Variants in TSBP1 observed in about 807,000 individuals in gnomAD.
The protein encoded by TSBP1 is testis-expressed basic protein 1.
TSBP1 carries 56 observed loss-of-function variants against 68.8 expected under a neutral mutation model. That is an observed-to-expected ratio of 0.81 (90% CI 0.66 to 1.02). The LOEUF (loss-of-function observed/expected upper bound fraction) is 1.02, where lower values mean the gene tolerates loss of function less well. TSBP1 is among the 50% of genes least tolerant of loss of function. The pLI, the probability that TSBP1 is intolerant of heterozygous loss-of-function variation, is 0.00. For missense variants in TSBP1, 502 were observed against 641.2 expected, an observed-to-expected ratio of 0.78 and a Z score of 2.34; for synonymous variants, 171 against 208.7, an observed-to-expected ratio of 0.82 and a Z score of 1.56.
intron 18 of TSBP1, among the ~76,000 whole-genome samples, chr6:32,322,233 CATT>C (rs931007701): frequency 6.6e-6 from 1 of 152,190 alleles, no homozygotes; most frequent in African/African-American, 2.4e-5. Flanking sequence ...TAAATATCAT[CATT>C]GTTAGTGCTT....
intron 2 of TSBP1, among the ~76,000 whole-genome samples, chr6:32,369,285 A>AT (rs9279610): frequency 0.35 from 49,944 of 141,354 alleles, 9,466 homozygotes; most frequent in Middle Eastern, 0.56. Flanking sequence ...TCTCACTTCT[A>AT]TTTTTTTTTT....
At chr6:32,370,143 C>A (rs2127669040) in intron 1 of TSBP1, among the ~76,000 whole-genome samples, 160 bp from the exon 2 acceptor site, 1 of 151,960 alleles carries the variant, frequency 6.6e-6, no homozygotes, top group Non-Finnish European at 1.5e-5. Flanking sequence ...TATTACTGTC[C>A]TCACATTCCC....
In TSBP1 at chr6:32,308,773, C is replaced by T. The variant is rs573168094; in HGVS notation, c.581-6144G>A. 6.7e-3 allele frequency among the ~76,000 whole-genome samples: 1,016 copies of T among 151,750 alleles called. 18 individuals are homozygous for T. Among genetic ancestry groups the T allele is most frequent in the East Asian group, 0.02 (103 of 5,172 alleles). On this transcript the variant is annotated intron_variant, in intron 19 of 22. Coordinates refer to ENST00000612031, the Ensembl canonical transcript of TSBP1. ...GTCTTTTATTTTTGCCATAAATATT[C>T]AAATGTATATATTTAATAAGATGAA...
At chr6:32,308,373 C>T (rs57433605) in intron 19 of TSBP1, among the ~76,000 whole-genome samples, 2 of 151,048 alleles carry the variant, frequency 1.3e-5, no homozygotes, top group Non-Finnish European at 3.0e-5. Context: ...CCGAGGCGGG[C>T]GGATCACGAG....
rs1447380950 is a variant in TSBP1 at position 32,333,612 on chromosome 6, C to A, written c.473-1558G>T. ...ATGTGGACACCTGCATAGATCATGG[C>A]GAGTACTACTCCCACAGCAGAGGGA... On this transcript the variant is annotated intron_variant, in intron 14 of 22. Transcript: ENST00000612031. This position sits in a 1 kb window ranked among gnomAD's most constrained non-coding sequence, Gnocchi z 4.2. Among the ~76,000 whole-genome samples, 1 of 152,150 alleles carries A rather than the reference C, an allele frequency of 6.6e-6. No homozygotes were observed. Among genetic ancestry groups the A allele is most frequent in the Non-Finnish European group, 1.5e-5 (1 of 68,034 alleles).
intron 9 of TSBP1, among the ~76,000 whole-genome samples, chr6:32,342,748 T>C (rs1387844355): frequency 6.6e-6 from 1 of 152,226 alleles, no homozygotes; most frequent in Non-Finnish European, 1.5e-5. Context: ...ATAGTTCAGA[T>C]ACGAAGTGAG....
At chr6:32,341,377 C>T (rs2022532) in intron 9 of TSBP1, among the ~76,000 whole-genome samples, 3,448 of 152,114 alleles carry the variant, frequency 0.023, 105 homozygotes, top group East Asian at 0.078. Context: ...CTGTGGGGAT[C>T]GATCACAAAC....
intron 19 of TSBP1, among the ~76,000 whole-genome samples, chr6:32,311,781 G>C (rs1562081681): frequency 6.6e-6 from 1 of 152,138 alleles, no homozygotes. Flanking sequence ...CAGTGATTGG[G>C]GGTATCTGTG....
chr6:32,351,397 G>A (rs375568215), intron 8 of TSBP1, among the ~76,000 whole-genome samples: 123 of 152,168 alleles, frequency 8.1e-4, no homozygotes, highest in Middle Eastern at 6.8e-3. Flanking sequence ...AGGGCCATCC[G>A]CCAATCTGGA....
chr6:32,331,330 A>G (rs1194256704), intron 15 of TSBP1, among the ~76,000 whole-genome samples: 1 of 152,164 alleles, frequency 6.6e-6, no homozygotes, highest in Non-Finnish European at 1.5e-5. Context: ...TATTCTAATG[A>G]TTACTGACAA....
chr6:32,316,524 A>C lies in TSBP1; in HGVS notation c.560-732T>G. 1 of 809,084 alleles carries C rather than the reference A, an allele frequency of 1.2e-6. No homozygotes were observed. The highest frequency in any genetic ancestry group is 2.0e-6 in the Non-Finnish European group (1 of 494,708). 50.1% of individuals were successfully genotyped at this position (809,084 alleles called of 1,614,324 possible). On this transcript the variant is annotated intron_variant, in intron 18 of 22. Coordinates refer to ENST00000612031, the Ensembl canonical transcript of TSBP1. The surrounding 1 kb of genome is among the most constrained non-coding windows in gnomAD (Gnocchi z 4.5). ...TGGTAGTCACACAGCTCTGGATGAC[A>C]ATGGCTAATTCTCTGTTAAAAGCTC...
At chr6:32,349,955 A>G (rs1026384517) in intron 8 of TSBP1, 195 bp from the exon 9 acceptor site, 3 of 771,386 alleles carry the variant, frequency 3.9e-6, no homozygotes, top group Non-Finnish European at 7.2e-6. Flanking sequence ...CTTTTGTGGT[A>G]AGGTGGGACT....
chr6:32,327,601 G>A (rs918450863), intron 16 of TSBP1, among the ~76,000 whole-genome samples: 3 of 151,830 alleles, frequency 2.0e-5, no homozygotes, highest in African/African-American at 7.3e-5. Context: ...CACTTCTAGA[G>A]GTTCATAATG....
intron 18 of TSBP1, chr6:32,320,108 G>C (rs1767451124): frequency 4.4e-6 from 2 of 454,666 alleles, no homozygotes; most frequent in Non-Finnish European, 8.8e-6. Context: ...ATAACTTTTA[G>C]TAGTTTCTTA....
intron 14 of TSBP1, among the ~76,000 whole-genome samples, chr6:32,332,595 T>TG (rs377197354): frequency 4.7e-5 from 7 of 148,046 alleles, no homozygotes; most frequent in South Asian, 2.2e-4. Flanking sequence ...CAAAACCTTC[T>TG]GTTTTTTTTT....
Position 32,321,084 on chromosome 6 carries a change from A to G in TSBP1, c.559+2033T>C, listed in dbSNP as rs1205783214. Among the ~76,000 whole-genome samples the G allele has an allele frequency of 1.3e-5, 2 of 152,112 alleles. No homozygotes were observed. Among genetic ancestry groups the G allele is most frequent in the Non-Finnish European group, 2.9e-5 (2 of 68,020 alleles). The stretch of plus-strand genomic sequence containing the variant: ...TCACATTTTCTTTATTCAGTCTACC[A>G]TTGATGGGCATTTAGGTTGATTCCA... On this transcript the variant is annotated intron_variant, in intron 18 of 22. Coordinates refer to ENST00000612031, the Ensembl canonical transcript of TSBP1. The surrounding 1 kb of genome is among the most constrained non-coding windows in gnomAD (Gnocchi z 4.3).
At chr6:32,301,552 C>CA (rs9281725) in intron 20 of TSBP1, among the ~76,000 whole-genome samples, 29,675 of 140,696 alleles carry the variant, frequency 0.21, 3,086 homozygotes, top group Non-Finnish European at 0.22. Context: ...CCCATCTCTG[C>CA]AAAAAAAAAA....
intron 16 of TSBP1, among the ~76,000 whole-genome samples, chr6:32,329,303 G>A (rs1052059122): frequency 4.6e-5 from 7 of 152,168 alleles, no homozygotes; most frequent in African/African-American, 1.7e-4. Flanking sequence ...GTGGCTATTA[G>A]GGAACTGTGG....
Position 32,340,919 on chromosome 6 carries a change from C to T in TSBP1, c.350-1281G>A, listed in dbSNP as rs563799512. On this transcript the variant is annotated intron_variant, in intron 9 of 22. Coordinates refer to ENST00000612031, the Ensembl canonical transcript of TSBP1. This position sits in a 1 kb window ranked among gnomAD's most constrained non-coding sequence, Gnocchi z 4.8. ...GAAGTCATTCTTGTGCCTCAGCCTC[C>T]TGAGTAGCTGGGATTACAGGCATGT... 3.8e-4 allele frequency among the ~76,000 whole-genome samples: 58 copies of T among 152,224 alleles called. No homozygotes were observed. Among genetic ancestry groups the T allele is most frequent in the Admixed American group, 3.2e-3 (49 of 15,298 alleles).
Sources: allele counts gnomAD v4.1 joint callset (sites outside exome capture counted in the v4.1 genomes callset), GRCh38; gene constraint gnomAD v4.1.1; non-coding constraint Gnocchi (gnomAD v3.1); transcripts MANE v1.5; gene names NCBI Gene and HGNC (gene_info 2026-07-23, HGNC 2026-07-21).